Variants in OGFRL1 observed in about 807,000 individuals in gnomAD.
OGFRL1 encodes the protein opioid growth factor receptor like 1.
A neutral mutation model predicts 32.4 loss-of-function variants in OGFRL1; 26 were observed. The ratio of observed to expected loss-of-function variants is 0.80; its 90% confidence interval spans 0.59 to 1.11. The LOEUF (loss-of-function observed/expected upper bound fraction) is 1.11. OGFRL1 is among the 50% of genes most tolerant of loss of function. The probability of loss-of-function intolerance (pLI) is 0.00; values close to 1 mark genes in which losing one functional copy is unlikely to be tolerated. For synonymous variants in OGFRL1, 211 were observed against 201.2 expected, an observed-to-expected ratio of 1.05 and a Z score of -0.41; for missense variants, 521 against 546.4, an observed-to-expected ratio of 0.95 and a Z score of 0.46.
rs1209330354 is a variant in OGFRL1 at position 71,305,500 on chromosome 6, A to ATAGTTT, written c.*3454_*3459dup. On this transcript the variant is annotated 3_prime_UTR_variant, in exon 7 of 7. Transcript: ENST00000370435. The stretch of plus-strand genomic sequence containing the variant: ...GTTGTCAACTCAAAAATTATGTTGC[A>ATAGTTT]TAGTTTTATTTTGAATTTAGGTTTT... 2.0e-5 allele frequency: 3 copies of ATAGTTT among 152,082 alleles called. No individual in the cohort carries two copies. The highest frequency in any genetic ancestry group is 7.2e-5 in the African/African-American group (3 of 41,460). 9.4% of individuals were successfully genotyped at this position (152,082 alleles called of 1,614,324 possible).
At position 71,303,379 on chromosome 6, in the gene OGFRL1, T is replaced by C. The variant is rs1193222299; in HGVS notation, c.*1330T>C. Reference sequence around the variant, plus strand: ...TGGAACAGAGTGGGACTTCTAATTGTATGACTTCAAGATTTTGCTTTGTTT... The same window carrying C: ...TGGAACAGAGTGGGACTTCTAATTGCATGACTTCAAGATTTTGCTTTGTTT... On this transcript the variant is annotated 3_prime_UTR_variant, in exon 7 of 7. Coordinates refer to ENST00000370435, the MANE Select transcript of OGFRL1 (RefSeq NM_024576.5). The C allele has an allele frequency of 1.3e-5, 2 of 152,202 alleles. No individual in the cohort carries two copies. The highest frequency in any genetic ancestry group is 2.9e-5 in the Non-Finnish European group (2 of 68,044). 9.4% of individuals were successfully genotyped at this position (152,202 alleles called of 1,614,324 possible).
Position 71,301,719 on chromosome 6 carries a change from G to A in OGFRL1, c.1026G>A (p.Met342Ile), listed in dbSNP as rs1766397699. The A allele has an allele frequency of 6.2e-7, 1 of 1,613,748 alleles. No homozygotes were observed. The highest frequency in any genetic ancestry group is 8.5e-7 in the Non-Finnish European group (1 of 1,179,996). Residue 342 changes from methionine to isoleucine, a missense_variant, in exon 7 of 7, where the codon ATG becomes ATA. By Grantham distance (10) the Met-to-Ile change is conservative. Transcript: ENST00000370435. ...CCAGTCATAACAGTCAAACTTCTAT[G>A]CACAAAAAAGCCAAGGACTCCAAAA... is the stretch of plus-strand genomic sequence containing the variant. ...LASSHNSQTS[M>I]HKKAKDSKNS... is the part of the protein sequence containing the mutation.
chr6:71,300,573 T>C (rs1284558048), intron 6 of OGFRL1, among the ~76,000 whole-genome samples: 1 of 152,140 alleles, frequency 6.6e-6, no homozygotes, highest in Admixed American at 6.6e-5. Context: ...TGGTCCCTAA[T>C]CTCGTATCTT....
At position 71,302,247 on chromosome 6, in the gene OGFRL1, C is replaced by T. The variant is rs1484033120; in HGVS notation, c.*198C>T. ...CTAATAAGGAGATTTAAGATAAGACCCAATAAATGAATGTATTCTGTAATG... is the reference window on the plus strand; with the variant it reads ...CTAATAAGGAGATTTAAGATAAGACTCAATAAATGAATGTATTCTGTAATG... On this transcript the variant is annotated 3_prime_UTR_variant, in exon 7 of 7. Coordinates refer to ENST00000370435, the MANE Select transcript of OGFRL1 (RefSeq NM_024576.5). 1 of 415,222 alleles carries T rather than the reference C, an allele frequency of 2.4e-6. No individual in the cohort carries two copies. The highest frequency in any genetic ancestry group is 4.2e-6 in the Non-Finnish European group (1 of 239,182). 25.7% of individuals were successfully genotyped at this position (415,222 alleles called of 1,614,324 possible).
rs1766510711 is a variant in OGFRL1 at position 71,305,181 on chromosome 6, G to T, written c.*3132G>T. On this transcript the variant is annotated 3_prime_UTR_variant, in exon 7 of 7. Coordinates refer to ENST00000370435, the MANE Select transcript of OGFRL1 (RefSeq NM_024576.5). ...TGGAGTGCAAGGATACTAAATATTG[G>T]CTATTGATAAAATACTAACTTGCAT... 6.6e-6 allele frequency: 1 copy of T among 151,880 alleles called. No homozygotes were observed. Among genetic ancestry groups the T allele is most frequent in the South Asian group, 2.1e-4 (1 of 4,824 alleles). 9.4% of individuals were successfully genotyped at this position (151,880 alleles called of 1,614,324 possible).
At chr6:71,291,453 C>T (rs1407595) in intron 1 of OGFRL1, 82,627 of 152,018 alleles carry the variant, frequency 0.54, 24,334 homozygotes, top group African/African-American at 0.76. Flanking sequence ...GATGGTAGGC[C>T]TGGGTCAAGG....
chr6:71,300,858 G>A (rs1450328470), intron 6 of OGFRL1, among the ~76,000 whole-genome samples: 1 of 152,176 alleles, frequency 6.6e-6, no homozygotes, highest in African/African-American at 2.4e-5. Flanking sequence ...TGTGTCCTTT[G>A]TCAGAACTGT....
At position 71,296,531 on chromosome 6, in the gene OGFRL1, T is replaced by A; in HGVS notation, c.516T>A (p.Tyr172Ter). 1 of 1,611,916 alleles carries A rather than the reference T, an allele frequency of 6.2e-7. No individual in the cohort carries two copies. The highest frequency in any genetic ancestry group is 8.5e-7 in the Non-Finnish European group (1 of 1,179,230). Residue 172 changes from tyrosine to a stop codon, truncating the protein, a stop_gained, in exon 5 of 7, where the codon TAT (tyrosine) becomes TAA (stop). Coordinates refer to ENST00000370435, the MANE Select transcript of OGFRL1 (RefSeq NM_024576.5). LOFTEE classifies it high-confidence loss of function. Reference protein sequence around the residue: ...FPLREQGLNFYAKELTTYEIE... With the variant: ...FPLREQGLNF ...TGAGAGAACAAGGCTTGAACTTCTATGCCAAAGAACTAACTACATATGAAA... is the reference window on the plus strand; with the variant it reads ...TGAGAGAACAAGGCTTGAACTTCTAAGCCAAAGAACTAACTACATATGAAA...
chr6:71,307,456 C>A lies in OGFRL1; in HGVS notation c.*5407C>A, dbSNP rs2149359859. 1 of 152,236 alleles carries A rather than the reference C, an allele frequency of 6.6e-6. No homozygotes were observed. Among genetic ancestry groups the A allele is most frequent in the Admixed American group, 6.5e-5 (1 of 15,288 alleles). The allele number at this position is 152,236 out of a possible 1,614,324, so 9.4% of individuals were successfully genotyped here. On this transcript the variant is annotated 3_prime_UTR_variant, in exon 7 of 7. Coordinates refer to ENST00000370435, the MANE Select transcript of OGFRL1 (RefSeq NM_024576.5). ...GGGCATTAGTAAATTGTAGTTATATCTTAACGATCTTGGGAATCATTGAAA... is the reference window on the plus strand; with the variant it reads ...GGGCATTAGTAAATTGTAGTTATATATTAACGATCTTGGGAATCATTGAAA...
At chr6:71,296,154 C>T (rs1766201808) in intron 3 of OGFRL1, among the ~76,000 whole-genome samples, 163 bp from the exon 4 acceptor site, 1 of 152,062 alleles carries the variant, frequency 6.6e-6, no homozygotes, top group Non-Finnish European at 1.5e-5. Context: ...TATCACATAA[C>T]CGAATATATG....
At chr6:71,297,062 C>G (rs140547300) in intron 6 of OGFRL1, among the ~76,000 whole-genome samples, 154 of 146,730 alleles carry the variant, frequency 1.0e-3, no homozygotes, top group African/African-American at 3.7e-3. Context: ...TCCCTGAAAC[C>G]TTCCTATTGC....
chr6:71,289,089 G>T lies in OGFRL1; in HGVS notation c.153G>T (p.Ala51=). ...EGPGQESEQP[A]QPPEQAGGRP... is the part of the protein sequence containing the mutation. The stretch of plus-strand genomic sequence containing the variant: ...CGGGGCAGGAGTCCGAGCAGCCCGC[G>T]CAGCCCCCGGAGCAAGCCGGCGGGC... The change falls in exon 1 of 7, where the codon GCG becomes GCT. Residue 51 remains alanine (A), a synonymous_variant. Coordinates refer to ENST00000370435, the MANE Select transcript of OGFRL1 (RefSeq NM_024576.5). 8.7e-7 allele frequency: 1 copy of T among 1,144,770 alleles called. No homozygotes were observed. Among genetic ancestry groups the T allele is most frequent in the Non-Finnish European group, 1.1e-6 (1 of 930,280 alleles). The allele number at this position is 1,144,770 out of a possible 1,614,324, so 70.9% of individuals were successfully genotyped here.
chr6:71,300,533 T>C (rs1582559488), intron 6 of OGFRL1, among the ~76,000 whole-genome samples: 1 of 151,580 alleles, frequency 6.6e-6, no homozygotes, highest in African/African-American at 2.4e-5. Flanking sequence ...TTGAAGAAAA[T>C]TAGGTTAAGT....
At chr6:71,290,788 G>A (rs1766027523) in intron 1 of OGFRL1, among the ~76,000 whole-genome samples, 1 of 152,204 alleles carries the variant, frequency 6.6e-6, no homozygotes, top group Non-Finnish European at 1.5e-5. Flanking sequence ...TAGTCCCTCT[G>A]AATACTGAAC....
intron 1 of OGFRL1, chr6:71,291,955 G>A (rs1253073780): frequency 1.3e-5 from 2 of 152,184 alleles, no homozygotes; most frequent in East Asian, 3.8e-4. Flanking sequence ...TCTGGGTGGT[G>A]TGCAACTTCT....
chr6:71,296,629 C>CT (rs1333431672), intron 5 of OGFRL1, 43 bp from the exon 6 acceptor site: 1 of 1,607,864 alleles, frequency 6.2e-7, no homozygotes, highest in Admixed American at 1.7e-5. Flanking sequence ...GTCCTTGTAG[C>CT]TACTGAATCA....
intron 3 of OGFRL1, among the ~76,000 whole-genome samples, chr6:71,294,738 A>G (rs1766150336): frequency 6.6e-6 from 1 of 152,204 alleles, no homozygotes; most frequent in Non-Finnish European, 1.5e-5. Flanking sequence ...TGCTTTATTT[A>G]CTAATGGAAA....
At position 71,296,407 on chromosome 6, in the gene OGFRL1, A is replaced by G; in HGVS notation, c.479+12A>G. 2 of 1,607,574 alleles carry G rather than the reference A, an allele frequency of 1.2e-6. No homozygotes were observed. Among genetic ancestry groups the G allele is most frequent in the Non-Finnish European group, 1.7e-6 (2 of 1,174,772 alleles). ...ACTTACATTCAATGGTCAGTTACAT[A>G]TTATCTATCTTGAACCATGTCCTAT... On this transcript the variant is annotated intron_variant, in intron 4 of 6. Transcript: ENST00000370435.
intron 1 of OGFRL1, among the ~76,000 whole-genome samples, chr6:71,292,303 C>T (rs1053443801): frequency 3.9e-5 from 6 of 152,092 alleles, no homozygotes; most frequent in African/African-American, 7.2e-5. Flanking sequence ...TGAAGTAACT[C>T]GGTACTTGTA....
Sources: allele counts gnomAD v4.1 joint callset (sites outside exome capture counted in the v4.1 genomes callset), GRCh38; gene constraint gnomAD v4.1.1; transcripts MANE v1.5; gene names NCBI Gene and HGNC (gene_info 2026-07-23, HGNC 2026-07-21).